S100A9: variants seen among roughly 807,000 people sequenced by gnomAD.
S100A9 encodes the protein protein S100-A9.
In S100A9, 2 loss-of-function variants were observed where a neutral mutation model predicts 4.3. The observed-to-expected ratio is 0.47, with a 90% CI of 0.19 to 1.48. The LOEUF is 1.48. Among genes scored for constraint, S100A9 ranks in the 40% most tolerant of loss-of-function variants. The pLI, the probability that S100A9 is intolerant of heterozygous loss-of-function variation, is 0.24. For missense variants in S100A9, 130 were observed against 144.4 expected, an observed-to-expected ratio of 0.90 and a Z score of 0.51; for synonymous variants, 67 against 54.0, an observed-to-expected ratio of 1.24 and a Z score of -1.06.
rs1441409873 is a variant in S100A9, at chr1:153,360,861, G to A, written c.*23G>A. 6.5e-7 allele frequency: 1 copy of A among 1,545,374 alleles called. No individual in the cohort carries two copies. The highest frequency in any genetic ancestry group is 8.8e-7 in the Non-Finnish European group (1 of 1,138,804). On this transcript the variant is annotated 3_prime_UTR_variant, in exon 3 of 3. Coordinates refer to ENST00000368738, the MANE Select transcript of S100A9 (RefSeq NM_002965.4). The stretch of plus-strand genomic sequence containing the variant: ...TAAGACCACAGTGGCCAAGATCACA[G>A]TGGCCACGGCCACGGCCACAGTCAT...
chr1:153,360,559 C>T (rs1661428725), intron 2 of S100A9, 85 bp from the exon 3 acceptor site: 1 of 888,976 alleles, frequency 1.1e-6, no homozygotes, highest in Non-Finnish European at 1.8e-6. Context: ...TTCCCTTGTA[C>T]ATTTGCCAGC....
At chr1:153,359,909 G>A (rs944136038) in intron 2 of S100A9, among the ~76,000 whole-genome samples, 2 of 151,776 alleles carry the variant, frequency 1.3e-5, no homozygotes, top group Admixed American at 6.6e-5. Context: ...GGCTGGTCTC[G>A]AACTCTTGAC....
intron 2 of S100A9, among the ~76,000 whole-genome samples, chr1:153,360,009 T>C (rs1287859320): frequency 6.6e-6 from 1 of 152,084 alleles, no homozygotes; most frequent in African/African-American, 2.4e-5. Context: ...TTATACTTTA[T>C]CACACCCTTG....
intron 1 of S100A9, 43 bp from the exon 2 acceptor site, chr1:153,358,220 GACAGCA>G: frequency 7.6e-7 from 1 of 1,318,398 alleles, no homozygotes; most frequent in Non-Finnish European, 1.0e-6. Context: ...AAAGAAGCTT[GACAGCA>G]TTTTCTTCTA....
chr1:153,359,123 G>A (rs1661399667), intron 2 of S100A9, among the ~76,000 whole-genome samples: 1 of 152,180 alleles, frequency 6.6e-6, no homozygotes, highest in Non-Finnish European at 1.5e-5. Context: ...AAAAGGCTGA[G>A]CACTTCCAAC....
intron 2 of S100A9, among the ~76,000 whole-genome samples, chr1:153,359,403 G>C (rs2101593114): frequency 6.6e-6 from 1 of 152,256 alleles, no homozygotes; most frequent in African/African-American, 2.4e-5. Context: ...GCCCAGCAGA[G>C]AGGCCGCATG....
chr1:153,358,761 T>C (rs1260744769), intron 2 of S100A9, among the ~76,000 whole-genome samples: 1 of 152,082 alleles, frequency 6.6e-6, no homozygotes, highest in Non-Finnish European at 1.5e-5. Context: ...TAAAGCCAAA[T>C]GCCAATAAGT....
In S100A9 at chr1:153,358,300, C is replaced by T; in HGVS notation, c.17C>T (p.Ser6Leu). 2 of 1,599,876 alleles carry T rather than the reference C, an allele frequency of 1.3e-6. No individual in the cohort carries two copies. The highest frequency in any genetic ancestry group is 1.7e-6 in the Non-Finnish European group (2 of 1,170,270). ...TGCAAGACGATGACTTGCAAAATGT[C>T]GCAGCTGGAACGCAACATAGAGACC... MTCKM[S>L]QLERNIETII... Residue 6 changes from serine to leucine, a missense_variant, in exon 2 of 3, where the codon TCG becomes TTG. Transcript: ENST00000368738.
At chr1:153,359,964 C>T (rs1388924899) in intron 2 of S100A9, among the ~76,000 whole-genome samples, 1 of 152,062 alleles carries the variant, frequency 6.6e-6, no homozygotes, top group East Asian at 1.9e-4. Flanking sequence ...GCTGGGATTA[C>T]AAGCATGAGC....
In S100A9 at chr1:153,360,960, G is replaced by C. The variant is rs1463227328; in HGVS notation, c.*122G>C. The C allele has an allele frequency of 4.1e-6, 3 of 727,956 alleles. No homozygotes were observed. In the Admixed American group the frequency reaches 9.0e-5, roughly 22 times the overall value. 45.1% of individuals were successfully genotyped at this position (727,956 alleles called of 1,614,324 possible). On this transcript the variant is annotated 3_prime_UTR_variant, in exon 3 of 3. Coordinates refer to ENST00000368738, the MANE Select transcript of S100A9 (RefSeq NM_002965.4). ...CTACCCAACCAGGGCCCCGGGGCCTGTTATGTCAAACTGTCTTGGCTGTGG... is the reference window on the plus strand; with the variant it reads ...CTACCCAACCAGGGCCCCGGGGCCTCTTATGTCAAACTGTCTTGGCTGTGG...
rs2101594052 is a variant in S100A9 at position 153,360,919 on chromosome 1, C to T, written c.*81C>T. 3.5e-6 allele frequency: 4 copies of T among 1,135,362 alleles called. No individual in the cohort carries two copies. In the South Asian group the frequency reaches 6.5e-5, roughly 18 times the overall value. The allele number at this position is 1,135,362 out of a possible 1,614,324, so 70.3% of individuals were successfully genotyped here. A position where few individuals can be genotyped will look rare whatever the true frequency, so the allele number is the denominator to read the frequency against. ...ACGGCCACAGCCACTAATCAGGAGG[C>T]CAGGCCACCCTGCCTCTACCCAACC... On this transcript the variant is annotated 3_prime_UTR_variant, in exon 3 of 3. Transcript: ENST00000368738.
rs1210828114 is a variant in S100A9, at chr1:153,360,716, A to T, written c.223A>T (p.Ser75Cys). The T allele has an allele frequency of 6.2e-7, 1 of 1,613,926 alleles. No individual in the cohort carries two copies. Among genetic ancestry groups the T allele is most frequent in the Non-Finnish European group, 8.5e-7 (1 of 1,179,904 alleles). The change falls in exon 3 of 3, where the codon AGC becomes TGC. Residue 75 changes from serine to cysteine, a missense_variant. Transcript: ENST00000368738. ...DLDTNADKQL[S>C]FEEFIMLMAR... ...GGACACAAATGCAGACAAGCAGCTG[A>T]GCTTCGAGGAGTTCATCATGCTGAT...
At chr1:153,358,222 C>A in intron 1 of S100A9, 47 bp from the exon 2 acceptor site, 1 of 1,329,144 alleles carries the variant, frequency 7.5e-7, no homozygotes, top group Non-Finnish European at 1.0e-6. Context: ...AGAAGCTTGA[C>A]AGCATTTTCT....
chr1:153,359,285 G>A (rs188592091), intron 2 of S100A9, among the ~76,000 whole-genome samples: 52 of 152,138 alleles, frequency 3.4e-4, no homozygotes, highest in African/African-American at 1.2e-3. Flanking sequence ...CCCTCCCTCC[G>A]CCTTGGTAAG....
Position 153,358,443 on chromosome 1 carries a change from G to C in S100A9, c.150+10G>C. 2 of 1,591,440 alleles carry C rather than the reference G, an allele frequency of 1.3e-6. No homozygotes were observed. The highest frequency in any genetic ancestry group is 1.7e-6 in the Non-Finnish European group (2 of 1,166,310). ...GCAAAATTTTCTCAAGGTAGGGCTG[G>C]ACTCTGGCAGGTCTGACCCAGCCTC... On this transcript the variant is annotated intron_variant, in intron 2 of 2. Transcript: ENST00000368738.
chr1:153,359,195 G>T (rs1162967265), intron 2 of S100A9, among the ~76,000 whole-genome samples: 1 of 152,136 alleles, frequency 6.6e-6, no homozygotes, highest in Non-Finnish European at 1.5e-5. Flanking sequence ...GCATTAAGAA[G>T]GGTGGAACAC....
intron 2 of S100A9, among the ~76,000 whole-genome samples, chr1:153,359,446 C>T (rs1446518543): frequency 2.6e-5 from 4 of 152,060 alleles, no homozygotes; most frequent in Admixed American, 1.3e-4. Context: ...CCCCTATGCC[C>T]GCTTCACCCC....
intron 2 of S100A9, among the ~76,000 whole-genome samples, chr1:153,360,027 C>T (rs748216593): frequency 5.3e-5 from 8 of 152,028 alleles, no homozygotes; most frequent in Non-Finnish European, 1.0e-4. Context: ...TTGAGGTCAG[C>T]GGAGCACATA....
chr1:153,358,498 G>T, intron 2 of S100A9, 65 bp downstream of exon 2: 2 of 1,312,958 alleles, frequency 1.5e-6, no homozygotes, highest in South Asian at 3.0e-5. Flanking sequence ...AGGGAGGATG[G>T]GAGTATGGGC....
Sources: gnomAD v4.1 joint callset for allele counts (sites outside exome capture counted in the v4.1 genomes callset) on GRCh38, gnomAD v4.1.1 for gene constraint, MANE v1.5 for transcripts, NCBI Gene and HGNC (gene_info 2026-07-23, HGNC 2026-07-21) for gene names.